RBFOX1: variants seen among roughly 807,000 people sequenced by gnomAD.
RBFOX1 encodes RNA binding protein fox-1 homolog 1.
RBFOX1 carries 8 observed loss-of-function variants against 57.7 expected under a neutral mutation model. That is an observed-to-expected ratio of 0.14 (90% CI 0.08 to 0.25). The LOEUF (loss-of-function observed/expected upper bound fraction) is 0.25. RBFOX1 is among the 10% of genes least tolerant of loss of function. The pLI is 1.00. For synonymous variants in RBFOX1, 326 were observed against 222.4 expected, an observed-to-expected ratio of 1.47 and a Z score of -4.15; for missense variants, 611 against 548.5, an observed-to-expected ratio of 1.11 and a Z score of -1.14.
intron 2 of RBFOX1, among the ~76,000 whole-genome samples, chr16:6,549,056 C>T (rs903449915): frequency 5.1e-5 from 7 of 138,532 alleles, no homozygotes; most frequent in African/African-American, 1.9e-4. Context: ...GCCTGGGCAA[C>T]AGAGCAAGAC....
At chr16:7,007,007 A>G (rs910059508) in intron 3 of RBFOX1, among the ~76,000 whole-genome samples, 5 of 152,110 alleles carry the variant, frequency 3.3e-5, no homozygotes, top group Non-Finnish European at 7.3e-5. Context: ...TAACAAATAC[A>G]TATGATCTCA....
chr16:7,447,116 G>T (rs566513575), intron 4 of RBFOX1, among the ~76,000 whole-genome samples: 4 of 151,948 alleles, frequency 2.6e-5, no homozygotes, highest in African/African-American at 9.7e-5. Context: ...TCGGCCTCAA[G>T]GTAGGTCTGG....
At chr16:6,790,923 T>G (rs547555192) in intron 3 of RBFOX1, among the ~76,000 whole-genome samples, 2 of 152,030 alleles carry the variant, frequency 1.3e-5, no homozygotes, top group African/African-American at 4.8e-5. Context: ...TTTTTTTTTT[T>G]GCAATGGGGT....
At chr16:7,036,184 G>T (rs1339214425) in intron 3 of RBFOX1, among the ~76,000 whole-genome samples, 1 of 146,352 alleles carries the variant, frequency 6.8e-6, no homozygotes, top group Non-Finnish European at 1.5e-5. Context: ...GGTCCCATGG[G>T]ACTTAGTTCA....
intron 4 of RBFOX1, among the ~76,000 whole-genome samples, chr16:5,912,857 G>A (rs141379293): frequency 6.6e-5 from 10 of 152,174 alleles, no homozygotes; most frequent in African/African-American, 2.4e-4. Flanking sequence ...GTATAACGAA[G>A]GGATGGGTCC....
intron 3 of RBFOX1, among the ~76,000 whole-genome samples, chr16:5,616,596 C>T (rs1005329041): frequency 6.0e-5 from 9 of 149,712 alleles, no homozygotes; most frequent in Non-Finnish European, 1.2e-4. Flanking sequence ...CTCCCTCCTC[C>T]TCCTCCTCTT....
At chr16:7,133,619 G>T (rs977600854) in intron 4 of RBFOX1, among the ~76,000 whole-genome samples, 6 of 152,124 alleles carry the variant, frequency 3.9e-5, no homozygotes, top group African/African-American at 1.4e-4. Flanking sequence ...CATTTTATTG[G>T]TGGAATGAAA....
At position 6,612,710 on chromosome 16, in the gene RBFOX1, G is replaced by A. The variant is rs1601524030; in HGVS notation, c.-63-41893G>A. Among the ~76,000 whole-genome samples, 3 of 151,846 alleles carry A rather than the reference G, an allele frequency of 2.0e-5. No homozygotes were observed. In the South Asian group the frequency reaches 6.3e-4, roughly 32 times the overall value. ...CTACTAAAAATACAAAAATTAGCCG[G>A]GTGTGGTGGTCGGTGTCTGCAATCC... is the stretch of plus-strand genomic sequence containing the variant. On this transcript the variant is annotated intron_variant, in intron 2 of 15. Coordinates refer to ENST00000550418, the MANE Select transcript of RBFOX1 (RefSeq NM_018723.4).
intron 12 of RBFOX1, among the ~76,000 whole-genome samples, chr16:7,662,666 C>T (rs1051935667): frequency 6.6e-6 from 1 of 152,176 alleles, no homozygotes; most frequent in African/African-American, 2.4e-5. Context: ...TGATAAGAGT[C>T]TGAAAAATGA....
At chr16:6,395,903 T>C (rs2092810144) in intron 2 of RBFOX1, among the ~76,000 whole-genome samples, 1 of 151,270 alleles carries the variant, frequency 6.6e-6, no homozygotes, top group Non-Finnish European at 1.5e-5. Context: ...CCGTCTCTGC[T>C]AAAATACAAA....
intron 2 of RBFOX1, among the ~76,000 whole-genome samples, chr16:6,436,180 A>C (rs1050490427): frequency 1.2e-4 from 18 of 152,066 alleles, no homozygotes; most frequent in African/African-American, 4.4e-4. Context: ...AATACAGTTA[A>C]GTAAATGTTA....
At chr16:6,500,896 T>TTTTTTTTTTGTTTGTTTGTTTGTTTG (rs2095896619) in intron 2 of RBFOX1, among the ~76,000 whole-genome samples, 1 of 142,330 alleles carries the variant, frequency 7.0e-6, no homozygotes, top group Admixed American at 7.0e-5. Context: ...TTTTTTTTTT[T>TTTTTTTTTTGTTTGTTTGTTTGTTTG]TTTTTAATGC....
At chr16:7,152,219 A>T (rs1293720366) in intron 4 of RBFOX1, among the ~76,000 whole-genome samples, 1 of 152,186 alleles carries the variant, frequency 6.6e-6, no homozygotes, top group Non-Finnish European at 1.5e-5. Context: ...AGTCTATACC[A>T]TGCGTCCATA....
intron 2 of RBFOX1, among the ~76,000 whole-genome samples, chr16:6,544,086 G>A (rs2096861457): frequency 6.6e-6 from 1 of 152,314 alleles, no homozygotes; most frequent in East Asian, 1.9e-4. Context: ...TGGCCCATGA[G>A]CTGTTTGAGA....
At chr16:6,413,296 G>T (rs1010308077) in intron 2 of RBFOX1, among the ~76,000 whole-genome samples, 2 of 145,910 alleles carry the variant, frequency 1.4e-5, no homozygotes, top group Non-Finnish European at 3.0e-5. Context: ...TCCAGCCTGC[G>T]CAACAAGAGA....
chr16:6,637,397 T>TTAAATATATTTAATATA (rs1555636472), intron 2 of RBFOX1, among the ~76,000 whole-genome samples: 2 of 6,830 alleles, frequency 2.9e-4, no homozygotes, highest in African/African-American at 4.3e-4. Context: ...ATATTATATA[T>TTAAATATATTTAATATA]TAAATATATA....
chr16:7,309,594 C>T (rs563271449), intron 4 of RBFOX1, among the ~76,000 whole-genome samples: 10 of 152,290 alleles, frequency 6.6e-5, no homozygotes, highest in Admixed American at 3.9e-4. Context: ...AGTAATTCTC[C>T]AGTAGCTGAT....
At chr16:6,200,219 A>G (rs2152828029) in intron 1 of RBFOX1, among the ~76,000 whole-genome samples, 1 of 152,362 alleles carries the variant, frequency 6.6e-6, no homozygotes, top group African/African-American at 2.4e-5. Context: ...TATTAATATC[A>G]GAGCTGCGGC....
At chr16:5,823,822 C>A (rs541869770) in intron 3 of RBFOX1, among the ~76,000 whole-genome samples, 2 of 152,244 alleles carry the variant, frequency 1.3e-5, no homozygotes, top group Non-Finnish European at 2.9e-5. Context: ...CTCAGGGCTC[C>A]CACTGATTCT....
Sources: gnomAD v4.1 joint callset for allele counts (sites outside exome capture counted in the v4.1 genomes callset) on GRCh38, gnomAD v4.1.1 for gene constraint, MANE v1.5 for transcripts, NCBI Gene and HGNC (gene_info 2026-07-23, HGNC 2026-07-21) for gene names.